The following TTC7B variants were observed in gnomAD, a reference collection of about 807,000 sequenced individuals.
TTC7B encodes tetratricopeptide repeat domain 7B, also known as tetratricopeptide repeat protein 7B.
Under a neutral mutation model 106.8 loss-of-function variants are expected in TTC7B, and 28 were observed. That is an observed-to-expected ratio of 0.26 (90% CI 0.19 to 0.36). The LOEUF is 0.36. TTC7B is among the 10% of genes least tolerant of loss of function. TTC7B has a pLI of 1.00. For missense variants in TTC7B, 862 were observed against 1,076.4 expected (o/e 0.80, Z 2.79); for synonymous variants, 405 against 430.6 (o/e 0.94, Z 0.74).
intron 5 of TTC7B, among the ~76,000 whole-genome samples, chr14:90,701,655 A>T (rs575491151): frequency 6.6e-6 from 1 of 151,544 alleles, no homozygotes; most frequent in Non-Finnish European, 1.5e-5. Context: ...TCTGGGAATG[A>T]GTCAAAGAAT....
chr14:90,622,317 C>A (rs995961249), intron 15 of TTC7B, among the ~76,000 whole-genome samples: 1 of 151,960 alleles, frequency 6.6e-6, no homozygotes, highest in Non-Finnish European at 1.5e-5. Flanking sequence ...CAGGGTTTCA[C>A]CATGTTGGGC....
chr14:90,641,563 T>A (rs1353046992), intron 15 of TTC7B, among the ~76,000 whole-genome samples: 2 of 152,252 alleles, frequency 1.3e-5, no homozygotes, highest in Non-Finnish European at 2.9e-5. Flanking sequence ...GGCCCCAACT[T>A]TTAATAAAGT....
intron 15 of TTC7B, among the ~76,000 whole-genome samples, chr14:90,631,555 C>T (rs1884705162): frequency 6.6e-6 from 1 of 151,690 alleles, no homozygotes; most frequent in Admixed American, 6.6e-5. Flanking sequence ...ACTACAGGCA[C>T]ATGTTACCAC....
chr14:90,699,304 A>C, intron 5 of TTC7B: 1 of 438,436 alleles, frequency 2.3e-6, no homozygotes, highest in Admixed American at 2.6e-5. Context: ...AGGCTAGAGA[A>C]ATTTGGGGAC....
chr14:90,801,169 G>A (rs537482841), intron 1 of TTC7B, among the ~76,000 whole-genome samples: 1 of 144,826 alleles, frequency 6.9e-6, no homozygotes, highest in East Asian at 2.0e-4. Context: ...AGGCTGTAGT[G>A]AGCCATGATC....
intron 13 of TTC7B, among the ~76,000 whole-genome samples, chr14:90,649,588 A>G (rs1885627749): frequency 6.6e-6 from 1 of 152,188 alleles, no homozygotes; most frequent in African/African-American, 2.4e-5. Flanking sequence ...GCTCAGAAAT[A>G]CCTAAAAGAC....
intron 16 of TTC7B, among the ~76,000 whole-genome samples, chr14:90,612,807 T>G (rs1892927369): frequency 6.6e-6 from 1 of 152,198 alleles, no homozygotes; most frequent in African/African-American, 2.4e-5. Flanking sequence ...ACATCTGAGG[T>G]TAATATGGCC....
chr14:90,543,300 C>A (rs113715393), intron 19 of TTC7B, among the ~76,000 whole-genome samples: 4 of 152,298 alleles, frequency 2.6e-5, no homozygotes, highest in African/African-American at 9.6e-5. Context: ...TCTTAATTTT[C>A]CCTCTTTTAA....
At chr14:90,542,439 A>T (rs1889639897) in intron 19 of TTC7B, among the ~76,000 whole-genome samples, 1 of 151,874 alleles carries the variant, frequency 6.6e-6, no homozygotes, top group Non-Finnish European at 1.5e-5. Context: ...CTATTTCATC[A>T]TCATTGCGTT....
chr14:90,544,342 C>T (rs1889732229), intron 19 of TTC7B, among the ~76,000 whole-genome samples: 1 of 152,222 alleles, frequency 6.6e-6, no homozygotes, highest in Non-Finnish European at 1.5e-5. Flanking sequence ...TCCTTGGTGG[C>T]ATCTGCCAGA....
intron 5 of TTC7B, among the ~76,000 whole-genome samples, chr14:90,708,580 C>G (rs1004676943): frequency 2.4e-4 from 36 of 152,210 alleles, no homozygotes; most frequent in Admixed American, 6.5e-5. Context: ...TTCAGATGCA[C>G]TCAAAAGAAA....
intron 5 of TTC7B, among the ~76,000 whole-genome samples, chr14:90,703,358 T>A (rs1365205570): frequency 6.6e-6 from 1 of 152,106 alleles, no homozygotes; most frequent in Non-Finnish European, 1.5e-5. Context: ...GTCCATCCCC[T>A]CGACTGGGCT....
intron 17 of TTC7B, among the ~76,000 whole-genome samples, chr14:90,594,492 T>C (rs1021484922): frequency 1.8e-4 from 27 of 152,084 alleles, no homozygotes; most frequent in African/African-American, 6.3e-4. Flanking sequence ...CATTCACTCT[T>C]GGAGATGTGG....
In TTC7B at chr14:90,528,705, C is replaced by T. The variant is rs1213436883; in HGVS notation, c.*12663G>A. 1 of 151,618 alleles carries T rather than the reference C, an allele frequency of 6.6e-6. No individual in the cohort carries two copies. The highest frequency in any genetic ancestry group is 2.0e-4 in the East Asian group (1 of 5,118). The allele number at this position is 151,618 out of a possible 1,614,324, so 9.4% of individuals were successfully genotyped here. On this transcript the variant is annotated 3_prime_UTR_variant, in exon 20 of 20. Transcript: ENST00000328459. ...TTGTTACCTGTTTCCGATGGTGTGA[C>T]CTGACTGCGCTTTGTTACCTGTTTC...
chr14:90,621,424 G>A (rs1884177553), intron 15 of TTC7B, among the ~76,000 whole-genome samples: 1 of 151,170 alleles, frequency 6.6e-6, no homozygotes, highest in Admixed American at 6.6e-5. Flanking sequence ...CAGCCGGGAT[G>A]ATGGGCAGAA....
intron 4 of TTC7B, among the ~76,000 whole-genome samples, chr14:90,734,605 C>CA (rs1303900012): frequency 1.3e-5 from 2 of 152,094 alleles, no homozygotes; most frequent in Non-Finnish European, 2.9e-5. Flanking sequence ...CTATCCTTGT[C>CA]AGCCTTCAAG....
At position 90,525,133 on chromosome 14, in the gene TTC7B, A is replaced by G. The variant is rs1889117322; in HGVS notation, c.*16235T>C. The G allele has an allele frequency of 6.8e-6, 1 of 146,008 alleles. No homozygotes were observed. Among genetic ancestry groups the G allele is most frequent in the South Asian group, 2.1e-4 (1 of 4,658 alleles). The allele number at this position is 146,008 out of a possible 1,614,324, so 9.0% of individuals were successfully genotyped here. Reference sequence around the variant, plus strand: ...AAGTCTCCTTGCCCCAGGCGCAATCACGGGTCTGCTTTCCCTCACTCTAGA... The same window carrying G: ...AAGTCTCCTTGCCCCAGGCGCAATCGCGGGTCTGCTTTCCCTCACTCTAGA... On this transcript the variant is annotated 3_prime_UTR_variant, in exon 20 of 20. Coordinates refer to ENST00000328459, the MANE Select transcript of TTC7B (RefSeq NM_001010854.2).
chr14:90,727,596 T>C (rs1465574426), intron 5 of TTC7B, among the ~76,000 whole-genome samples: 1 of 152,230 alleles, frequency 6.6e-6, no homozygotes, highest in Non-Finnish European at 1.5e-5. Flanking sequence ...AGTCCACCAG[T>C]TCCGCAGTGA....
intron 19 of TTC7B, among the ~76,000 whole-genome samples, chr14:90,553,209 G>C (rs971855347): frequency 6.6e-6 from 1 of 152,214 alleles, no homozygotes; most frequent in Non-Finnish European, 1.5e-5. Context: ...CTGCTCACCC[G>C]GAACAGCTGA....
Sources: gnomAD v4.1 joint callset for allele counts (sites outside exome capture counted in the v4.1 genomes callset) on GRCh38, gnomAD v4.1.1 for gene constraint, MANE v1.5 for transcripts, NCBI Gene and HGNC (gene_info 2026-07-23, HGNC 2026-07-21) for gene names.